ASTN2: variants seen among roughly 807,000 people sequenced by gnomAD.
ASTN2 encodes astrotactin-2.
In ASTN2, 54 loss-of-function variants were observed where a neutral mutation model predicts 139.8. The ratio of observed to expected loss-of-function variants is 0.39; its 90% CI spans 0.31 to 0.48. The LOEUF (loss-of-function observed/expected upper bound fraction) is 0.48. Among genes scored for constraint, ASTN2 ranks in the 20% least tolerant of loss-of-function variants. The pLI, the probability that ASTN2 is intolerant of heterozygous loss-of-function variation, is 0.95. For synonymous variants in ASTN2, 756 were observed against 719.5 expected (o/e 1.05, Z -0.81); for missense variants, 1,565 against 1,725.1 (o/e 0.91, Z 1.64).
intron 19 of ASTN2, among the ~76,000 whole-genome samples, chr9:116,491,106 CTGCAGTATA>C (rs1849505991): frequency 6.6e-6 from 1 of 152,166 alleles, no homozygotes; most frequent in African/African-American, 2.4e-5. Flanking sequence ...ACTGGCTCAC[CTGCAGTATA>C]TGCAGTATAA....
At chr9:116,908,786 T>A (rs753086775) in intron 10 of ASTN2, among the ~76,000 whole-genome samples, 1 of 152,244 alleles carries the variant, frequency 6.6e-6, no homozygotes, top group Non-Finnish European at 1.5e-5. Context: ...ATGTGTGGCA[T>A]TATAATGTAT....
chr9:116,794,353 C>T (rs1588298468), intron 13 of ASTN2, among the ~76,000 whole-genome samples: 1 of 152,200 alleles, frequency 6.6e-6, no homozygotes, highest in East Asian at 1.9e-4. Flanking sequence ...CCACTTCGGC[C>T]TCCCAAAGTG....
intron 11 of ASTN2, among the ~76,000 whole-genome samples, chr9:116,838,831 C>T (rs1009163616): frequency 6.6e-6 from 1 of 152,176 alleles, no homozygotes; most frequent in South Asian, 2.1e-4. Context: ...TCAGAGAAGA[C>T]TTTCAGTGCT....
chr9:116,712,980 G>T (rs1828209667), intron 16 of ASTN2, among the ~76,000 whole-genome samples: 1 of 152,096 alleles, frequency 6.6e-6, no homozygotes, highest in African/African-American at 2.4e-5. Flanking sequence ...TCCTGAGATG[G>T]AATCCTGTCT....
chr9:117,366,539 A>G (rs973877589), intron 1 of ASTN2, among the ~76,000 whole-genome samples: 5 of 152,094 alleles, frequency 3.3e-5, no homozygotes, highest in Non-Finnish European at 5.9e-5. Flanking sequence ...TGATCTTTTC[A>G]TAAGAAATCC....
intron 10 of ASTN2, among the ~76,000 whole-genome samples, chr9:116,938,055 AG>A (rs1216434900): frequency 1.3e-5 from 2 of 152,188 alleles, no homozygotes; most frequent in Non-Finnish European, 2.9e-5. Context: ...GCGAGGTTTA[AG>A]TTGGTAACTT....
At chr9:116,716,265 A>C (rs1023671422) in intron 16 of ASTN2, among the ~76,000 whole-genome samples, 3 of 152,154 alleles carry the variant, frequency 2.0e-5, no homozygotes, top group Non-Finnish European at 4.4e-5. Context: ...GATGGTCTCC[A>C]GTGCTTTAGG....
intron 1 of ASTN2, among the ~76,000 whole-genome samples, chr9:117,394,235 T>C (rs1460671976): frequency 2.0e-5 from 3 of 152,176 alleles, no homozygotes; most frequent in African/African-American, 4.8e-5. Flanking sequence ...AAGGCTTTCA[T>C]AGGCAGTGCT....
At chr9:117,355,435 T>C (rs898548701) in intron 1 of ASTN2, among the ~76,000 whole-genome samples, 1 of 152,188 alleles carries the variant, frequency 6.6e-6, no homozygotes, top group African/African-American at 2.4e-5. Context: ...TAACGCTGTG[T>C]GCTGGATAAT....
At chr9:116,458,368 G>A (rs531367050) in intron 20 of ASTN2, among the ~76,000 whole-genome samples, 1 of 151,868 alleles carries the variant, frequency 6.6e-6, no homozygotes, top group South Asian at 2.1e-4. Context: ...GAGCATAATT[G>A]AAAAGTTCAT....
Position 117,260,901 on chromosome 9 carries a change from T to C in ASTN2, c.630+30425A>G, listed in dbSNP as rs1043026349. ...TGACGGGGAAGACTGAATTTGAAAG[T>C]ACTCCATACAACTGAAAAGTATGCT... On this transcript the variant is annotated intron_variant, in intron 2 of 22. Transcript: ENST00000313400. Among the ~76,000 whole-genome samples, 3 of 152,226 alleles carry C rather than the reference T, an allele frequency of 2.0e-5. 1 individual carries two copies. The highest frequency in any genetic ancestry group is 4.4e-5 in the Non-Finnish European group (3 of 68,040).
chr9:116,718,972 G>GTGTA lies in ASTN2; in HGVS notation c.2806+6798_2806+6799insTACA, dbSNP rs56991546. On this transcript the variant is annotated intron_variant, in intron 16 of 22. Coordinates refer to ENST00000313400, the MANE Select transcript of ASTN2 (RefSeq NM_001365068.1). ...TATTTACATATCTATACCTGTATCT[G>GTGTA]TACATATATATATATATATCTGCCT... Among the ~76,000 whole-genome samples, 64 of 100,020 alleles carry GTGTA rather than the reference G, an allele frequency of 6.4e-4. 5 individuals carry two copies. The highest frequency in any genetic ancestry group is 1.7e-3 in the African/African-American group (43 of 26,054). The allele number at this position is 100,020 out of a possible 152,430, so 65.6% of individuals were successfully genotyped here. A position where few individuals can be genotyped will look rare whatever the true frequency, so the allele number is the denominator to read the frequency against.
intron 2 of ASTN2, among the ~76,000 whole-genome samples, chr9:117,254,540 T>C (rs556295956): frequency 2.2e-4 from 34 of 152,262 alleles, no homozygotes; most frequent in South Asian, 1.9e-3. Context: ...GTTTCTGCTG[T>C]GGGTAGGAAG....
chr9:117,087,425 G>A (rs928205677), intron 5 of ASTN2, among the ~76,000 whole-genome samples: 24 of 152,048 alleles, frequency 1.6e-4, no homozygotes, highest in Admixed American at 5.2e-4. Flanking sequence ...ATGGGGTTTC[G>A]CCATGTTGCC....
intron 10 of ASTN2, among the ~76,000 whole-genome samples, chr9:116,884,949 G>A (rs530672052): frequency 1.7e-3 from 252 of 151,824 alleles, no homozygotes; most frequent in African/African-American, 5.8e-3. Context: ...CTGAGTAGCT[G>A]GGATTACAGG....
At chr9:117,071,999 C>A (rs372492110) in intron 5 of ASTN2, among the ~76,000 whole-genome samples, 1 of 152,126 alleles carries the variant, frequency 6.6e-6, no homozygotes, top group Admixed American at 6.5e-5. Flanking sequence ...GAGCTGAGAC[C>A]GGAGCTGTTC....
At chr9:116,514,659 T>C (rs1001967125) in intron 19 of ASTN2, among the ~76,000 whole-genome samples, 1 of 152,294 alleles carries the variant, frequency 6.6e-6, no homozygotes, top group Non-Finnish European at 1.5e-5. Flanking sequence ...TTACCCAGTT[T>C]GAGCTTCCCA....
intron 3 of ASTN2, among the ~76,000 whole-genome samples, chr9:117,145,147 C>G (rs1014469304): frequency 2.6e-5 from 4 of 152,100 alleles, no homozygotes; most frequent in African/African-American, 9.7e-5. Flanking sequence ...CTCAGAATGT[C>G]TTTGAGACAT....
chr9:117,103,780 C>T (rs1264303747), intron 4 of ASTN2, among the ~76,000 whole-genome samples: 1 of 152,124 alleles, frequency 6.6e-6, no homozygotes, highest in Non-Finnish European at 1.5e-5. Flanking sequence ...ATGGAAAAAC[C>T]CATCTGACCC....
Sources: allele counts gnomAD v4.1 joint callset (sites outside exome capture counted in the v4.1 genomes callset), GRCh38; gene constraint gnomAD v4.1.1; transcripts MANE v1.5; gene names NCBI Gene and HGNC (gene_info 2026-07-23, HGNC 2026-07-21).